Variants in KIAA1549L observed in about 807,000 individuals in gnomAD.
KIAA1549L encodes the protein KIAA1549 like.
A neutral mutation model predicts 160.7 loss-of-function variants in KIAA1549L; 88 were observed. The observed-to-expected ratio is 0.55, with a 90% CI of 0.46 to 0.65. The LOEUF is 0.65. Among genes scored for constraint, KIAA1549L ranks in the 30% least tolerant of loss-of-function variants. The probability of loss-of-function intolerance (pLI) is 0.00; values close to 1 mark genes in which losing one functional copy is unlikely to be tolerated. For synonymous variants in KIAA1549L, 950 were observed against 976.7 expected, an observed-to-expected ratio of 0.97 and a Z score of 0.51; for missense variants, 2,258 against 2,437.5, an observed-to-expected ratio of 0.93 and a Z score of 1.55.
intron 16 of KIAA1549L, among the ~76,000 whole-genome samples, chr11:33,637,594 G>A (rs1163451901): frequency 3.9e-5 from 6 of 152,226 alleles, no homozygotes. Flanking sequence ...TTTTCTCACA[G>A]TTCTGGAGGT....
At chr11:33,605,150 T>G (rs917886058) in intron 13 of KIAA1549L, among the ~76,000 whole-genome samples, 2 of 149,812 alleles carry the variant, frequency 1.3e-5, no homozygotes, top group Admixed American at 6.7e-5. Context: ...AAGTCATGAG[T>G]TTTTGTTTTG....
chr11:33,543,815 C>T lies in KIAA1549L; in HGVS notation c.2252C>T (p.Ala751Val). ...CCTCCCAATGGTTTAACTTCAGCTGCCGATGCCATAAAATCTCAGGATTTC... is the reference window on the plus strand; with the variant it reads ...CCTCCCAATGGTTTAACTTCAGCTGTCGATGCCATAAAATCTCAGGATTTC... Reference protein sequence around the residue: ...TAPPNGLTSAADAIKSQDFKD... With the variant: ...TAPPNGLTSAVDAIKSQDFKD... The change falls in exon 2 of 21, where the codon GCC (alanine) becomes GTC (valine). Residue 751 changes from alanine (A) to valine (V), a missense_variant. This residue lies in a region of KIAA1549L where 287 missense variants were observed against 292.3 expected (regional missense o/e 0.98). Coordinates refer to ENST00000658780, the MANE Select transcript of KIAA1549L (RefSeq NM_012194.3). 6.2e-7 allele frequency: 1 copy of T among 1,614,040 alleles called. No homozygotes were observed.
At position 33,630,098 on chromosome 11, in the gene KIAA1549L, C is replaced by T. The variant is rs1324336994; in HGVS notation, c.5409+11436C>T. Among the ~76,000 whole-genome samples the T allele has an allele frequency of 3.3e-5, 5 of 151,652 alleles. No homozygotes were observed. The East Asian group carries it at 7.7e-4, about 23-fold the overall frequency. On this transcript the variant is annotated intron_variant, in intron 16 of 20. Transcript: ENST00000658780. Reference sequence around the variant, plus strand: ...GGGGGTGCCTCCCACTTAGGCTGCTCAGGGGTCAGGGACCCACTTGAGGAG... The same window carrying T: ...GGGGGTGCCTCCCACTTAGGCTGCTTAGGGGTCAGGGACCCACTTGAGGAG...
chr11:33,609,879 A>C lies in KIAA1549L; in HGVS notation c.5192A>C (p.Lys1731Thr). The change falls in exon 15 of 21, where the codon AAG becomes ACG. Residue 1731 changes from lysine to threonine, a missense_variant. Around this residue, in one of 6 missense-constraint regions of KIAA1549L, gnomAD observed 1,359 missense variants for 1,546.6 expected, o/e 0.88. Coordinates refer to ENST00000658780, the MANE Select transcript of KIAA1549L (RefSeq NM_012194.3). ...AGCAAGGGTCTGACCGAAAGAAAGA[A>C]GATGTATGAAAAAGCCCCGAAGGAA... Reference protein sequence around the residue: ...ETSKGLTERKKMYEKAPKEME... With the variant: ...ETSKGLTERKTMYEKAPKEME... 6.2e-7 allele frequency: 1 copy of C among 1,613,988 alleles called. No individual in the cohort carries two copies. Among genetic ancestry groups the C allele is most frequent in the Admixed American group, 1.7e-5 (1 of 60,024 alleles).
intron 1 of KIAA1549L, among the ~76,000 whole-genome samples, chr11:33,397,292 C>T (rs1364089113): frequency 4.9e-5 from 7 of 143,420 alleles, no homozygotes; most frequent in African/African-American, 1.5e-4. Context: ...TGGGGTTGTG[C>T]CATTGCACTC....
At chr11:33,461,844 A>T (rs1156273332) in intron 1 of KIAA1549L, among the ~76,000 whole-genome samples, 1 of 152,192 alleles carries the variant, frequency 6.6e-6, no homozygotes, top group Non-Finnish European at 1.5e-5. Flanking sequence ...CTTGTCTAGG[A>T]TCACCCAGCT....
chr11:33,412,166 GTC>G (rs1850797732), intron 1 of KIAA1549L, among the ~76,000 whole-genome samples: 1 of 152,184 alleles, frequency 6.6e-6, no homozygotes, highest in African/African-American at 2.4e-5. Flanking sequence ...AGGATTCTGA[GTC>G]TGTGTTATAG....
intron 1 of KIAA1549L, among the ~76,000 whole-genome samples, chr11:33,379,263 G>C (rs974475367): frequency 6.6e-6 from 1 of 152,166 alleles, no homozygotes; most frequent in Non-Finnish European, 1.5e-5. Context: ...AGACTCTGCA[G>C]TGTGTTCCCA....
intron 1 of KIAA1549L, among the ~76,000 whole-genome samples, chr11:33,413,821 A>G (rs1449782843): frequency 1.3e-5 from 2 of 152,220 alleles, no homozygotes; most frequent in Non-Finnish European, 2.9e-5. Context: ...ACCGAGGTCC[A>G]GTGCTGCATC....
Position 33,568,267 on chromosome 11 carries a change from G to C in KIAA1549L, c.4230+40G>C, listed in dbSNP as rs757385125. 2.6e-6 allele frequency: 4 copies of C among 1,561,528 alleles called. No individual in the cohort carries two copies. The South Asian group carries it at 3.6e-5, about 14-fold the overall frequency. On this transcript the variant is annotated intron_variant, in intron 9 of 20. Transcript: ENST00000658780. ...AGCCACTGGGGTTTTCTAATAACTG[G>C]GGGTAGAGGGGGGGATGTGCTTCCT...
At chr11:33,403,515 GACAGACACGCAGACACACACACGC>G (rs1850580239) in intron 1 of KIAA1549L, 1 of 138,470 alleles carries the variant, frequency 7.2e-6, no homozygotes, top group Admixed American at 7.2e-5. Flanking sequence ...GACACACATG[GACAGACACGCAGACACACACACGC>G]ACAGACACAC....
intron 13 of KIAA1549L, among the ~76,000 whole-genome samples, chr11:33,600,784 G>T (rs1850337787): frequency 6.6e-6 from 1 of 152,088 alleles, no homozygotes; most frequent in Non-Finnish European, 1.5e-5. Context: ...TGGAATCAGT[G>T]CGCATATTGT....
chr11:33,644,953 C>T (rs891069253), intron 16 of KIAA1549L, among the ~76,000 whole-genome samples: 7 of 152,366 alleles, frequency 4.6e-5, no homozygotes, highest in Middle Eastern at 3.4e-3. Flanking sequence ...AGCACGAGAC[C>T]GTCCATGCAG....
At chr11:33,435,794 ATAT>A (rs1364861534) in intron 1 of KIAA1549L, among the ~76,000 whole-genome samples, 4 of 32,336 alleles carry the variant, frequency 1.2e-4, no homozygotes, top group African/African-American at 2.2e-4. Context: ...ATATATATAT[ATAT>A]ATATATATAT....
intron 12 of KIAA1549L, among the ~76,000 whole-genome samples, chr11:33,592,242 G>C (rs1180914725): frequency 6.6e-6 from 1 of 152,196 alleles, no homozygotes. Flanking sequence ...GCCTGGCAAG[G>C]CATCTGACCT....
At chr11:33,581,423 G>C (rs1014228064) in intron 10 of KIAA1549L, among the ~76,000 whole-genome samples, 1 of 148,456 alleles carries the variant, frequency 6.7e-6, no homozygotes, top group Admixed American at 6.6e-5. Flanking sequence ...GTGTGTGTGT[G>C]TGTGTGTGTT....
chr11:33,609,790 T>C lies in KIAA1549L; in HGVS notation c.5103T>C (p.Tyr1701=). 6.2e-7 allele frequency: 1 copy of C among 1,612,818 alleles called. No homozygotes were observed. The highest frequency in any genetic ancestry group is 8.5e-7 in the Non-Finnish European group (1 of 1,179,426). The stretch of plus-strand genomic sequence containing the variant: ...AGCAGAAGTCAGACATCGAGCACTA[T>C]CGGAACAAGCTGCGCCTCAAAGCCA... ...ALKQKSDIEH[Y]RNKLRLKAKR... The change falls in exon 15 of 21, where the codon TAT becomes TAC. Residue 1701 remains tyrosine (Y), a synonymous_variant. Coordinates refer to ENST00000658780, the MANE Select transcript of KIAA1549L (RefSeq NM_012194.3).
intron 1 of KIAA1549L, among the ~76,000 whole-genome samples, chr11:33,454,906 G>A (rs1376630600): frequency 1.3e-5 from 2 of 152,074 alleles, no homozygotes; most frequent in Non-Finnish European, 2.9e-5. Flanking sequence ...TGGATAACAC[G>A]GTGAAACCCC....
At chr11:33,451,645 G>A (rs1851723608) in intron 1 of KIAA1549L, among the ~76,000 whole-genome samples, 1 of 152,220 alleles carries the variant, frequency 6.6e-6, no homozygotes, top group Admixed American at 6.5e-5. Flanking sequence ...AAACAGAAGT[G>A]TCTCACTTGT....
Sources: allele counts gnomAD v4.1 joint callset (sites outside exome capture counted in the v4.1 genomes callset), GRCh38; gene constraint gnomAD v4.1.1; regional missense constraint gnomAD v4.1.1; transcripts MANE v1.5; gene names NCBI Gene and HGNC (gene_info 2026-07-23, HGNC 2026-07-21).